The following C18orf54 variants were observed in gnomAD, a reference collection of about 807,000 sequenced individuals.
C18orf54 encodes the protein lung adenoma susceptibility protein 2.
A neutral mutation model predicts 49.3 loss-of-function variants in C18orf54; 49 were observed. That is an observed-to-expected ratio of 0.99 (90% CI 0.79 to 1.26). C18orf54 has a LOEUF of 1.26. Among genes scored for constraint, C18orf54 ranks in the 50% most tolerant of loss-of-function variants. The pLI is 0.00. For missense variants in C18orf54, 687 were observed against 620.6 expected (o/e 1.11, Z -1.14); for synonymous variants, 211 against 216.6 (o/e 0.97, Z 0.23).
chr18:54,369,559 C>T (rs2089448834), intron 6 of C18orf54, among the ~76,000 whole-genome samples: 1 of 148,902 alleles, frequency 6.7e-6, no homozygotes, highest in South Asian at 2.1e-4. Context: ...AACTTTGCCT[C>T]CCAGGTTCAA....
chr18:54,373,190 A>G (rs1284807968), intron 7 of C18orf54, among the ~76,000 whole-genome samples: 1 of 151,874 alleles, frequency 6.6e-6, no homozygotes, highest in Non-Finnish European at 1.5e-5. Flanking sequence ...CATAGAGTTT[A>G]TATTTTCCCA....
intron 6 of C18orf54, among the ~76,000 whole-genome samples, chr18:54,369,626 AC>A (rs911065591): frequency 1.3e-5 from 2 of 151,594 alleles, no homozygotes; most frequent in African/African-American, 2.4e-5. Context: ...CCACCACTAC[AC>A]CCGGCTAATT....
rs1421768518 is a variant in C18orf54 at position 54,361,873 on chromosome 18, G to A, written c.514G>A (p.Gly172Arg). The A allele has an allele frequency of 1.1e-5, 17 of 1,613,938 alleles. No individual in the cohort carries two copies. In the Admixed American group the frequency reaches 2.8e-4, roughly 27 times the overall value. The change falls in exon 4 of 9, where the codon GGA (glycine) becomes AGA (arginine). Residue 172 changes from glycine (G) to arginine (R), a missense_variant. By Grantham distance (125) the Gly-to-Arg change is moderately radical. Coordinates refer to ENST00000620105, the MANE Select transcript of C18orf54 (RefSeq NM_001288980.2). Reference protein sequence around the residue: ...LDIEKNPHFQGPYTSMGKDNF... With the variant: ...LDIEKNPHFQRPYTSMGKDNF... ...CATTGAGAAGAATCCACATTTTCAA[G>A]GACCCTACACTTCCATGGGCAAGGA...
chr18:54,369,466 C>CTT (rs140753589), intron 6 of C18orf54, among the ~76,000 whole-genome samples: 1,814 of 89,120 alleles, frequency 0.02, 21 homozygotes, highest in East Asian at 0.028. Context: ...TTGTATATTG[C>CTT]TTTTTTTTTT....
intron 1 of C18orf54, chr18:54,358,485 C>G (rs889310289): frequency 6.6e-6 from 1 of 152,398 alleles, no homozygotes; most frequent in Admixed American, 6.5e-5. Context: ...AAGAACTTGT[C>G]TGTGTCTGTG....
intron 8 of C18orf54, among the ~76,000 whole-genome samples, chr18:54,374,918 C>A (rs753890798): frequency 1.3e-5 from 2 of 151,874 alleles, no homozygotes; most frequent in African/African-American, 4.8e-5. Context: ...CACTTGGCTA[C>A]CTTTTGTACT....
intron 5 of C18orf54, among the ~76,000 whole-genome samples, chr18:54,364,396 C>G (rs568874574): frequency 1.3e-5 from 2 of 152,012 alleles, no homozygotes; most frequent in Admixed American, 1.3e-4. Context: ...TTAATATTAT[C>G]AATAGTTTGG....
At position 54,361,755 on chromosome 18, in the gene C18orf54, A is replaced by G; in HGVS notation, c.396A>G (p.Pro132=). The G allele has an allele frequency of 6.2e-7, 1 of 1,614,110 alleles. No homozygotes were observed. Residue 132 remains proline (P), a synonymous_variant, in exon 4 of 9, where the codon CCA becomes CCG. Transcript: ENST00000620105. ...CAACTGATGATCTATTAAGACTCCC[A>G]GCAGATGGATCATTTTCTTATACTT... The part of the protein sequence containing the change: ...SLTTDDLLRL[P]ADGSFSYTYV...
chr18:54,358,555 G>C (rs1033500256), intron 1 of C18orf54: 1 of 152,276 alleles, frequency 6.6e-6, no homozygotes, highest in African/African-American at 2.4e-5. Flanking sequence ...GGAAAAATTG[G>C]AATTCAGGGC....
Position 54,362,141 on chromosome 18 carries a change from A to G in C18orf54, c.782A>G (p.Tyr261Cys), listed in dbSNP as rs1175782154. Residue 261 changes from tyrosine (Y) to cysteine (C), a missense_variant, in exon 4 of 9, where the codon TAC becomes TGC. Physicochemically the swap from Tyr to Cys is radical, Grantham distance 194 (BLOSUM62 -2). Coordinates refer to ENST00000620105, the MANE Select transcript of C18orf54 (RefSeq NM_001288980.2). ...SGITSIPDFK[Y>C]PVWLHNQDLL... ...ATAACTAGTATACCTGATTTCAAAT[A>G]CCCAGTCTGGCTGCACAATCAAGAC... is the stretch of plus-strand genomic sequence containing the variant. 1 of 1,536,388 alleles carries G rather than the reference A, an allele frequency of 6.5e-7. No homozygotes were observed. Among genetic ancestry groups the G allele is most frequent in the Non-Finnish European group, 8.7e-7 (1 of 1,146,920 alleles).
rs748510037 is a variant in C18orf54, at chr18:54,372,470, G to C, written c.1331G>C (p.Cys444Ser). The C allele has an allele frequency of 1.9e-6, 3 of 1,604,502 alleles. No homozygotes were observed. The highest frequency in any genetic ancestry group is 3.4e-5 in the Admixed American group (2 of 59,118). The change falls in exon 7 of 9, where the codon TGT becomes TCT. Residue 444 changes from cysteine to serine, a missense_variant. By Grantham distance (112) the Cys-to-Ser change is moderately radical (BLOSUM62 -1). Transcript: ENST00000620105. Reference protein sequence around the residue: ...EDFLNNDNQSCTLSGGKHHGP... With the variant: ...EDFLNNDNQSSTLSGGKHHGP... ...TATCATCTGTTTTAACCTTAGAGCT[G>C]TACTCTCTCTGGAGGCAAACATCAT... is the stretch of plus-strand genomic sequence containing the variant.
At chr18:54,369,544 A>G (rs952152935) in intron 6 of C18orf54, among the ~76,000 whole-genome samples, 1 of 129,958 alleles carries the variant, frequency 7.7e-6, no homozygotes, top group African/African-American at 3.0e-5. Flanking sequence ...ATCTCTACTC[A>G]CTGCAACTTT....
At chr18:54,372,237 A>G (rs1327915964) in intron 6 of C18orf54, among the ~76,000 whole-genome samples, 1 of 152,050 alleles carries the variant, frequency 6.6e-6, no homozygotes, top group East Asian at 1.9e-4. Flanking sequence ...AGCAATGACT[A>G]GAAAGGATAT....
rs745548212 is a variant in C18orf54, at chr18:54,361,765, T to A, written c.406T>A (p.Ser136Thr). 3 of 1,614,070 alleles carry A rather than the reference T, an allele frequency of 1.9e-6. 1 individual carries two copies. The South Asian group carries it at 3.3e-5, about 18-fold the overall frequency. ...DDLLRLPADGSFSYTYVGPSH... is the reference protein window; with the variant it reads ...DDLLRLPADGTFSYTYVGPSH... ...TCTATTAAGACTCCCAGCAGATGGA[T>A]CATTTTCTTATACTTATGTTGGACC... is the stretch of plus-strand genomic sequence containing the variant. Residue 136 changes from serine (S) to threonine (T), a missense_variant, in exon 4 of 9, where the codon TCA (serine) becomes ACA (threonine). Transcript: ENST00000620105.
chr18:54,360,427 A>C (rs1305285983), intron 2 of C18orf54, 100 bp from the exon 3 acceptor site: 2 of 707,652 alleles, frequency 2.8e-6, no homozygotes, highest in Non-Finnish European at 4.5e-6. Flanking sequence ...AATGGATTTT[A>C]TTATTTAAAG....
At chr18:54,369,591 C>T (rs1257599068) in intron 6 of C18orf54, among the ~76,000 whole-genome samples, 1 of 150,724 alleles carries the variant, frequency 6.6e-6, no homozygotes, top group Non-Finnish European at 1.5e-5. Context: ...GCATTAGCCT[C>T]CCAGGTAGCT....
chr18:54,373,510 C>T (rs1329676136), intron 7 of C18orf54, among the ~76,000 whole-genome samples: 2 of 151,840 alleles, frequency 1.3e-5, no homozygotes, highest in African/African-American at 2.4e-5. Context: ...TCTCGCCTAA[C>T]TAAAATGTTG....
At chr18:54,367,476 A>C (rs192543460) in intron 6 of C18orf54, among the ~76,000 whole-genome samples, 23 of 152,198 alleles carry the variant, frequency 1.5e-4, no homozygotes, top group African/African-American at 4.3e-4. Context: ...TTCATTTCTG[A>C]AGGAAAGCTT....
intron 7 of C18orf54, 50 bp downstream of exon 7, chr18:54,372,647 A>G: frequency 6.7e-7 from 1 of 1,482,438 alleles, no homozygotes; most frequent in Non-Finnish European, 9.1e-7. Context: ...TTGTATAAAG[A>G]TTTTTTTCTA....
Sources: gnomAD v4.1 joint callset for allele counts (sites outside exome capture counted in the v4.1 genomes callset) on GRCh38, gnomAD v4.1.1 for gene constraint, MANE v1.5 for transcripts, NCBI Gene and HGNC (gene_info 2026-07-23, HGNC 2026-07-21) for gene names.